The following SLIT2 variants were observed in gnomAD, a reference collection of about 807,000 sequenced individuals.
The protein encoded by SLIT2 is slit homolog 2 protein.
A neutral mutation model predicts 185.7 loss-of-function variants in SLIT2; 41 were observed. That is an observed-to-expected ratio of 0.22 (90% CI 0.17 to 0.29). The LOEUF (loss-of-function observed/expected upper bound fraction) is 0.29, where lower values mean the gene tolerates loss of function less well. SLIT2 is among the 10% of genes least tolerant of loss of function. SLIT2 has a pLI of 1.00. For missense variants in SLIT2, 1,571 were observed against 1,909.0 expected, an observed-to-expected ratio of 0.82 and a Z score of 3.30; for synonymous variants, 693 against 680.2, an observed-to-expected ratio of 1.02 and a Z score of -0.29.
chr4:20,310,459 A>G (rs1268633540), intron 4 of SLIT2, among the ~76,000 whole-genome samples: 1 of 152,158 alleles, frequency 6.6e-6, no homozygotes, highest in African/African-American at 2.4e-5. Context: ...ACCAACCTGG[A>G]TATCACACTG....
chr4:20,385,283 T>G (rs576485747), intron 4 of SLIT2, among the ~76,000 whole-genome samples: 1 of 152,322 alleles, frequency 6.6e-6, no homozygotes, highest in Non-Finnish European at 1.5e-5. Flanking sequence ...ATTTGTAAAT[T>G]ATTTCATCTA....
chr4:20,255,100 T>C (rs1468205125), intron 1 of SLIT2: 12 of 455,238 alleles, frequency 2.6e-5, no homozygotes, highest in African/African-American at 1.4e-4. Flanking sequence ...CGCGGTTGCG[T>C]GTGGGCCGGG....
chr4:20,478,675 A>G (rs1323849918), intron 5 of SLIT2, among the ~76,000 whole-genome samples: 13 of 152,212 alleles, frequency 8.5e-5, no homozygotes, highest in Non-Finnish European at 1.8e-4. Flanking sequence ...CATTAGGCAA[A>G]TTTGATAGCA....
chr4:20,611,115 A>G (rs61790714), intron 34 of SLIT2, among the ~76,000 whole-genome samples: 29,402 of 152,182 alleles, frequency 0.19, 2,941 homozygotes, highest in African/African-American at 0.24. Context: ...AACTTATTTT[A>G]CAGATAAATA....
rs1469751703 is a variant in SLIT2, at chr4:20,430,147, C to A, written c.396-37605C>A. ...GAATTACTATTTTTAGATTAGTATA[C>A]ATGTTTTAAAAATTCTTTTTTTCTT... On this transcript the variant is annotated intron_variant, in intron 4 of 36. Coordinates refer to ENST00000504154, the MANE Select transcript of SLIT2 (RefSeq NM_004787.4). Among the ~76,000 whole-genome samples, 636 of 152,098 alleles carry A rather than the reference C, an allele frequency of 4.2e-3. 5 individuals carry two copies. The highest frequency in any genetic ancestry group is 6.8e-3 in the Middle Eastern group (2 of 292).
intron 16 of SLIT2, among the ~76,000 whole-genome samples, chr4:20,530,474 G>A (rs1425410559): frequency 6.6e-6 from 1 of 151,994 alleles, no homozygotes. Flanking sequence ...GTAGAGATGG[G>A]ATTTTGCCCT....
chr4:20,526,458 A>G (rs1410031781), intron 15 of SLIT2, among the ~76,000 whole-genome samples: 1 of 152,180 alleles, frequency 6.6e-6, no homozygotes, highest in Admixed American at 6.5e-5. Context: ...CCATATTCTA[A>G]ACACCAGACT....
intron 4 of SLIT2, among the ~76,000 whole-genome samples, chr4:20,273,719 A>G (rs1049320800): frequency 1.3e-5 from 2 of 152,182 alleles, no homozygotes; most frequent in Non-Finnish European, 2.9e-5. Context: ...CGAACTCCCT[A>G]GTTCTTGGAT....
chr4:20,492,003 G>A, intron 9 of SLIT2, 104 bp downstream of exon 9: 1 of 1,075,150 alleles, frequency 9.3e-7, no homozygotes. Context: ...CTGATCAATT[G>A]GCTTAGACAA....
chr4:20,418,626 G>A lies in SLIT2; in HGVS notation c.396-49126G>A, dbSNP rs148321166. On this transcript the variant is annotated intron_variant, in intron 4 of 36. Transcript: ENST00000504154. ...TAACTCAAACCCGATAGCATATGTT[G>A]TGCAAACTAAGACATCAAAGACTTT... Among the ~76,000 whole-genome samples the A allele has an allele frequency of 6.5e-4, 99 of 152,182 alleles. 1 individual carries two copies. Among genetic ancestry groups the A allele is most frequent in the Non-Finnish European group, 1.3e-3 (87 of 68,028 alleles).
intron 4 of SLIT2, among the ~76,000 whole-genome samples, chr4:20,445,894 G>A (rs992857270): frequency 2.0e-5 from 3 of 152,112 alleles, no homozygotes; most frequent in Non-Finnish European, 4.4e-5. Context: ...GGCTAAAAGC[G>A]GCAAAGTATG....
chr4:20,592,857 T>G (rs974337870), intron 30 of SLIT2, among the ~76,000 whole-genome samples: 5 of 152,168 alleles, frequency 3.3e-5, no homozygotes, highest in African/African-American at 1.2e-4. Flanking sequence ...TAAAACCAAC[T>G]GGCTGCAAAG....
intron 4 of SLIT2, among the ~76,000 whole-genome samples, chr4:20,386,431 G>GTATC (rs1223104054): frequency 1.9e-4 from 29 of 152,254 alleles, no homozygotes; most frequent in African/African-American, 7.0e-4. Context: ...GTGACACATT[G>GTATC]TATCTTCTTA....
chr4:20,313,350 G>A (rs66981451), intron 4 of SLIT2, among the ~76,000 whole-genome samples: 35,257 of 151,886 alleles, frequency 0.23, 5,115 homozygotes, highest in East Asian at 0.6. Flanking sequence ...GGCAGATGCC[G>A]TATGTTTTTA....
intron 4 of SLIT2, among the ~76,000 whole-genome samples, chr4:20,304,267 TAAAAG>T (rs1334110673): frequency 1.6e-4 from 25 of 151,930 alleles, no homozygotes; most frequent in Non-Finnish European, 3.5e-4. Flanking sequence ...ATAACTTTTT[TAAAAG>T]AAAAGAAAAC....
chr4:20,418,584 C>G (rs1727892833), intron 4 of SLIT2, among the ~76,000 whole-genome samples: 1 of 152,140 alleles, frequency 6.6e-6, no homozygotes, highest in Admixed American at 6.5e-5. Context: ...ACAGTGAAAA[C>G]TTGAGGATGA....
chr4:20,539,623 A>G (rs200140606), intron 19 of SLIT2, 39 bp downstream of exon 19: 11 of 1,346,084 alleles, frequency 8.2e-6, no homozygotes, highest in African/African-American at 1.5e-5. Flanking sequence ...TACTTGAGCC[A>G]TTTATTATAT....
chr4:20,386,506 C>T (rs1470592549), intron 4 of SLIT2, among the ~76,000 whole-genome samples: 2 of 152,118 alleles, frequency 1.3e-5, no homozygotes, highest in African/African-American at 2.4e-5. Context: ...TGAAGCCCTG[C>T]AAATTGAATT....
At chr4:20,258,136 C>T (rs74362907) in intron 3 of SLIT2, among the ~76,000 whole-genome samples, 197 bp downstream of exon 3, 1 of 151,796 alleles carries the variant, frequency 6.6e-6, no homozygotes, top group African/African-American at 2.4e-5. Flanking sequence ...TAATTAAGCT[C>T]AAAAATACAG....
Sources: gnomAD v4.1 joint callset for allele counts (sites outside exome capture counted in the v4.1 genomes callset) on GRCh38, gnomAD v4.1.1 for gene constraint, MANE v1.5 for transcripts, NCBI Gene and HGNC (gene_info 2026-07-23, HGNC 2026-07-21) for gene names.